ZFHX3: variants seen among roughly 807,000 people sequenced by gnomAD.
ZFHX3 encodes the protein zinc finger homeobox protein 3.
In ZFHX3, 42 loss-of-function variants were observed where a neutral mutation model predicts 279.1. That is an observed-to-expected ratio of 0.15 (90% confidence interval 0.12 to 0.19). ZFHX3 has a LOEUF of 0.19. ZFHX3 is among the 10% of genes least tolerant of loss of function. ZFHX3 has a pLI of 1.00. For synonymous variants in ZFHX3, 2,293 were observed against 1,957.8 expected, an observed-to-expected ratio of 1.17 and a Z score of -4.52; for missense variants, 4,981 against 4,754.0, an observed-to-expected ratio of 1.05 and a Z score of -1.40.
intron 3 of ZFHX3, among the ~76,000 whole-genome samples, chr16:72,916,199 T>TC (rs2144211410): frequency 6.6e-6 from 1 of 152,352 alleles, no homozygotes; most frequent in East Asian, 1.9e-4. Context: ...CCTTTCTTTT[T>TC]CTCAAATAAG....
chr16:72,801,240 C>A (rs2036090610), intron 7 of ZFHX3, among the ~76,000 whole-genome samples: 1 of 152,184 alleles, frequency 6.6e-6, no homozygotes, highest in Non-Finnish European at 1.5e-5. Context: ...ACTAACCTTT[C>A]TACGTGGCAC....
chr16:73,660,924 T>C lies in ZFHX3; in HGVS notation c.-1547+19256A>G, dbSNP rs564662495. Reference sequence around the variant, plus strand: ...CTTTAATCCTAGGATCTATCTGTTCTACTAATATGCTGATCTACACGTATC... The same window carrying C: ...CTTTAATCCTAGGATCTATCTGTTCCACTAATATGCTGATCTACACGTATC... On this transcript the variant is annotated intron_variant, in intron 2 of 17. Transcript: ENST00000641206. Among the ~76,000 whole-genome samples, 3 of 146,108 alleles carry C rather than the reference T, an allele frequency of 2.1e-5. No homozygotes were observed. The South Asian group carries it at 6.5e-4, about 32-fold the overall frequency.
chr16:72,843,543 A>G (rs954742632), intron 4 of ZFHX3, among the ~76,000 whole-genome samples: 2 of 143,052 alleles, frequency 1.4e-5, no homozygotes, highest in Non-Finnish European at 3.1e-5. Context: ...AAAAAAAGCC[A>G]CACAGTGAGG....
chr16:73,533,748 G>C (rs1399957010), intron 2 of ZFHX3, among the ~76,000 whole-genome samples: 1 of 151,950 alleles, frequency 6.6e-6, no homozygotes, highest in Non-Finnish European at 1.5e-5. Context: ...CCCTCCATTT[G>C]CTCAAGAAAA....
chr16:72,958,968 C>A lies in ZFHX3; in HGVS notation c.1178G>T (p.Gly393Val). 1 of 1,599,086 alleles carries A rather than the reference C, an allele frequency of 6.3e-7. No homozygotes were observed. The highest frequency in any genetic ancestry group is 8.5e-7 in the Non-Finnish European group (1 of 1,172,982). Residue 393 changes from glycine to valine, a missense_variant, in exon 2 of 10, where the codon GGT becomes GTT. Gly to Val is a moderately radical substitution (Grantham distance 109). Coordinates refer to ENST00000268489, the MANE Select transcript of ZFHX3 (RefSeq NM_006885.4). ...CAACAGGGTGCTGGGGGTCAAGAGA[C>A]CAGCCTGGGGCTGCTCGGGGCCAGC... ...SAAGPEQPQA[G>V]LLTPSTLLNL... is the part of the protein sequence containing the mutation.
chr16:73,831,769 T>C (rs1961003253), intron 1 of ZFHX3, among the ~76,000 whole-genome samples: 1 of 152,118 alleles, frequency 6.6e-6, no homozygotes, highest in Admixed American at 6.5e-5. Context: ...GGAGATAGGA[T>C]GGGCAAGGGA....
At chr16:73,628,796 T>A (rs1423082190) in intron 2 of ZFHX3, among the ~76,000 whole-genome samples, 2 of 152,212 alleles carry the variant, frequency 1.3e-5, no homozygotes, top group Non-Finnish European at 2.9e-5. Flanking sequence ...ACCAGACCTT[T>A]TAAAATGTGC....
chr16:73,306,381 G>A (rs1229034991), intron 4 of ZFHX3, among the ~76,000 whole-genome samples: 2 of 152,182 alleles, frequency 1.3e-5, no homozygotes, highest in Non-Finnish European at 2.9e-5. Context: ...GTGCAGTGGT[G>A]CCATCTCGGC....
At chr16:73,206,219 A>G (rs1247117801) in intron 5 of ZFHX3, among the ~76,000 whole-genome samples, 1 of 152,202 alleles carries the variant, frequency 6.6e-6, no homozygotes, top group Non-Finnish European at 1.5e-5. Context: ...TATACCACAC[A>G]TGGATTACCA....
chr16:73,544,340 G>A (rs1259244910), intron 2 of ZFHX3, among the ~76,000 whole-genome samples: 3 of 152,172 alleles, frequency 2.0e-5, no homozygotes, highest in Non-Finnish European at 2.9e-5. Flanking sequence ...TGTAAGGAGG[G>A]GGGCCCTCCC....
chr16:73,306,121 G>C (rs1051044003), intron 4 of ZFHX3, among the ~76,000 whole-genome samples: 1 of 152,084 alleles, frequency 6.6e-6, no homozygotes, highest in African/African-American at 2.4e-5. Flanking sequence ...TTTCTACTGC[G>C]TACCTACTGT....
chr16:72,895,537 C>T (rs567530896), intron 3 of ZFHX3, among the ~76,000 whole-genome samples: 24 of 152,170 alleles, frequency 1.6e-4, no homozygotes, highest in Non-Finnish European at 3.2e-4. Flanking sequence ...TAGAAAGCAC[C>T]TGGAGGCCAG....
chr16:73,692,480 G>A (rs933441589), intron 1 of ZFHX3, among the ~76,000 whole-genome samples: 1 of 152,060 alleles, frequency 6.6e-6, no homozygotes, highest in Non-Finnish European at 1.5e-5. Flanking sequence ...AGAAGGGAGG[G>A]AATTAAAGGA....
chr16:73,128,457 C>G (rs932427127), intron 7 of ZFHX3, among the ~76,000 whole-genome samples: 1 of 152,120 alleles, frequency 6.6e-6, no homozygotes, highest in Non-Finnish European at 1.5e-5. Context: ...AAAGAATTCC[C>G]CATGGTCACA....
chr16:73,163,927 C>T (rs1324049507), intron 5 of ZFHX3, among the ~76,000 whole-genome samples: 2 of 152,152 alleles, frequency 1.3e-5, no homozygotes. Context: ...CTCTTTCTTG[C>T]TTGCCATAGT....
Position 73,709,012 on chromosome 16 carries a change from C to T in ZFHX3, c.-1607-28772G>A, listed in dbSNP as rs187505396. Among the ~76,000 whole-genome samples the T allele has an allele frequency of 2.3e-4, 35 of 152,190 alleles. No individual in the cohort carries two copies. In the East Asian group the frequency reaches 3.7e-3, roughly 16 times the overall value. On this transcript the variant is annotated intron_variant, in intron 1 of 17. Coordinates refer to the ZFHX3 transcript ENST00000641206. ...ACTTTCCTTTGGAGGATCTGTAAAG[C>T]GGCATATTTTGGGGTGTCATTTCCT...
At chr16:73,701,207 A>T (rs1402597897) in intron 1 of ZFHX3, among the ~76,000 whole-genome samples, 8 of 152,230 alleles carry the variant, frequency 5.3e-5, no homozygotes, top group Non-Finnish European at 1.2e-4. Flanking sequence ...GTCATCTGTT[A>T]TTTGAAAATA....
rs186649530 is a variant in ZFHX3 at position 73,269,755 on chromosome 16, A to C, written c.-1193-12619T>G. On this transcript the variant is annotated intron_variant, in intron 4 of 17. Transcript: ENST00000641206. ...ATATTTTTCTTTTTTGCTTTTCTTT[A>C]TTTTTTTTTTTGAGACGGAGTCTCA... 2.7e-3 allele frequency among the ~76,000 whole-genome samples: 390 copies of C among 145,602 alleles called. 2 individuals carry two copies. The highest frequency in any genetic ancestry group is 9.5e-3 in the African/African-American group (380 of 39,930).
rs1307630866 is a variant in ZFHX3, at chr16:73,756,428, C to G, written c.-1607-76188G>C. Among the ~76,000 whole-genome samples, 5 of 152,048 alleles carry G rather than the reference C, an allele frequency of 3.3e-5. No individual in the cohort carries two copies. In the East Asian group the frequency reaches 9.7e-4, roughly 29 times the overall value. On this transcript the variant is annotated intron_variant, in intron 1 of 17. Coordinates refer to the ZFHX3 transcript ENST00000641206. The stretch of plus-strand genomic sequence containing the variant: ...TGATCGTGAAAGGTGGCTTTTGGTC[C>G]GTGCCGGGCCTGAGATCATTCACAC...
Sources: allele counts gnomAD v4.1 joint callset (sites outside exome capture counted in the v4.1 genomes callset), GRCh38; gene constraint gnomAD v4.1.1; transcripts MANE v1.5; gene names NCBI Gene and HGNC (gene_info 2026-07-23, HGNC 2026-07-21).